The following ZNF609 variants were observed in gnomAD, a reference collection of about 807,000 sequenced individuals.
ZNF609 encodes the protein zinc finger protein 609.
ZNF609 carries 11 observed loss-of-function variants against 109.5 expected under a neutral mutation model. That is an observed-to-expected ratio of 0.10 (90% CI 0.06 to 0.17). The LOEUF (loss-of-function observed/expected upper bound fraction) is 0.17. ZNF609 is among the 10% of genes least tolerant of loss of function. The pLI, the probability that ZNF609 is intolerant of heterozygous loss-of-function variation, is 1.00. For synonymous variants in ZNF609, 646 were observed against 662.0 expected, an observed-to-expected ratio of 0.98 and a Z score of 0.37; for missense variants, 1,559 against 1,772.4, an observed-to-expected ratio of 0.88 and a Z score of 2.16.
At chr15:64,621,716 C>T (rs1484251054) in intron 2 of ZNF609, among the ~76,000 whole-genome samples, 2 of 151,656 alleles carry the variant, frequency 1.3e-5, no homozygotes, top group East Asian at 3.9e-4. Flanking sequence ...TAACTAATTA[C>T]ATTCTTGTGA....
intron 2 of ZNF609, among the ~76,000 whole-genome samples, chr15:64,586,675 T>C (rs757628543): frequency 3.6e-4 from 54 of 151,068 alleles, no homozygotes; most frequent in Non-Finnish European, 2.1e-4. Flanking sequence ...TGTGGAAAAA[T>C]TGTCTTCCAG....
rs763522825 is a variant in ZNF609 at position 64,499,819 on chromosome 15, C to A, written c.400C>A (p.Leu134Met). 2 of 1,613,964 alleles carry A rather than the reference C, an allele frequency of 1.2e-6. No homozygotes were observed. Among genetic ancestry groups the A allele is most frequent in the Non-Finnish European group, 1.7e-6 (2 of 1,180,022 alleles). ...RSGDGANAGG[L>M]VAAIAPKGSE... is the part of the protein sequence containing the mutation. ...AGGAGATGGTGCCAATGCTGGAGGC[C>A]TGGTTGCTGCTATTGCTCCCAAGGG... The change falls in exon 2 of 10, where the codon CTG (leucine) becomes ATG (methionine). Residue 134 changes from leucine to methionine, a missense_variant. Leu to Met is a conservative substitution (Grantham distance 15). Transcript: ENST00000326648.
intron 2 of ZNF609, chr15:64,529,743 T>C (rs1179089639): frequency 5.2e-6 from 3 of 580,862 alleles, no homozygotes; most frequent in Non-Finnish European, 9.7e-6. Flanking sequence ...AGCAGAGACT[T>C]TTTTGAGACG....
rs1341305420 is a variant in ZNF609 at position 64,674,318 on chromosome 15, C to T, written c.1464C>T (p.Asn488=). The T allele has an allele frequency of 6.2e-7, 1 of 1,614,174 alleles. No homozygotes were observed. The highest frequency in any genetic ancestry group is 8.5e-7 in the Non-Finnish European group (1 of 1,180,030). Residue 488 remains asparagine, a synonymous_variant, in exon 5 of 10, where the codon AAC becomes AAT. Transcript: ENST00000326648. ...TAGAACCCACTGTTCTGGACAGAAA[C>T]TGCCCCTCCCCCGTCCTAATTGACT... The part of the protein sequence containing the change: ...TKVEPTVLDR[N]CPSPVLIDCP...
At chr15:64,598,281 ATTTTTTGTATTTTTGATAGAGACAGGT>A (rs1895431606) in intron 2 of ZNF609, among the ~76,000 whole-genome samples, 1 of 151,918 alleles carries the variant, frequency 6.6e-6, no homozygotes, top group Non-Finnish European at 1.5e-5. Flanking sequence ...CGCCTGGCTA[ATTTTTTGTATTTTTGATAGAGACAGGT>A]TTTCACCATG....
intron 2 of ZNF609, among the ~76,000 whole-genome samples, chr15:64,564,297 A>G (rs764497437): frequency 2.6e-5 from 4 of 152,044 alleles, no homozygotes; most frequent in Admixed American, 2.0e-4. Flanking sequence ...TCCAAGGTTA[A>G]GGGTAGGGGG....
chr15:64,674,173 G>A lies in ZNF609; in HGVS notation c.1319G>A (p.Arg440Gln), dbSNP rs1009330244. Residue 440 changes from arginine (R) to glutamine (Q), a missense_variant, in exon 5 of 10, where the codon CGG becomes CAG. Physicochemically the swap from Arg to Gln is conservative, Grantham distance 43 (BLOSUM62 1). Coordinates refer to ENST00000326648, the MANE Select transcript of ZNF609 (RefSeq NM_015042.2). ...GCCAGCCCTTCCTCAGCTAATAAGCGGAAAAACAAACCCCTTTCAGACATG... is the reference window on the plus strand; with the variant it reads ...GCCAGCCCTTCCTCAGCTAATAAGCAGAAAAACAAACCCCTTTCAGACATG... ...VKASPSSANK[R>Q]KNKPLSDMEL... 3 of 1,614,008 alleles carry A rather than the reference G, an allele frequency of 1.9e-6. No homozygotes were observed. Among genetic ancestry groups the A allele is most frequent in the Non-Finnish European group, 1.7e-6 (2 of 1,180,030 alleles).
At chr15:64,564,009 G>A (rs1338805087) in intron 2 of ZNF609, among the ~76,000 whole-genome samples, 3 of 151,836 alleles carry the variant, frequency 2.0e-5, no homozygotes, top group Admixed American at 6.6e-5. Context: ...TTAGCCTCCC[G>A]AGTAGCTGGG....
chr15:64,681,513 A>C (rs1015661968), intron 9 of ZNF609, 126 bp downstream of exon 9: 2 of 773,188 alleles, frequency 2.6e-6, no homozygotes, highest in Non-Finnish European at 4.3e-6. Flanking sequence ...AACCCTGGCC[A>C]AGCCTCTTGT....
intron 2 of ZNF609, among the ~76,000 whole-genome samples, chr15:64,616,865 A>G (rs571328956): frequency 3.2e-5 from 4 of 126,878 alleles, no homozygotes; most frequent in South Asian, 2.5e-4. Context: ...ATGGAGTACA[A>G]TTGTGCAATC....
intron 1 of ZNF609, among the ~76,000 whole-genome samples, chr15:64,475,537 C>T (rs1232477082): frequency 3.3e-5 from 5 of 151,810 alleles, no homozygotes; most frequent in East Asian, 3.9e-4. Context: ...TACAGTTGCC[C>T]GCCACCGCGC....
intron 3 of ZNF609, among the ~76,000 whole-genome samples, chr15:64,663,362 A>G (rs551184160): frequency 6.6e-5 from 10 of 152,324 alleles, no homozygotes; most frequent in African/African-American, 2.4e-4. Flanking sequence ...AGAAGGATGT[A>G]CACATGCCAT....
At chr15:64,624,116 C>T (rs752018175) in intron 3 of ZNF609, among the ~76,000 whole-genome samples, 49 of 152,310 alleles carry the variant, frequency 3.2e-4, no homozygotes, top group Non-Finnish European at 6.0e-4. Flanking sequence ...GCAATAGGTG[C>T]TGATGTGTTA....
At chr15:64,636,251 A>G (rs553161807) in intron 3 of ZNF609, among the ~76,000 whole-genome samples, 1 of 152,260 alleles carries the variant, frequency 6.6e-6, no homozygotes, top group South Asian at 2.1e-4. Flanking sequence ...TGTTTAATCT[A>G]CTATCCCTGT....
intron 1 of ZNF609, among the ~76,000 whole-genome samples, chr15:64,463,483 A>G (rs1391270863): frequency 6.6e-6 from 1 of 152,188 alleles, no homozygotes; most frequent in Non-Finnish European, 1.5e-5. Flanking sequence ...AAAAGAGATT[A>G]GAAGTAAAAC....
chr15:64,584,918 C>A (rs544460261), intron 2 of ZNF609, among the ~76,000 whole-genome samples: 1 of 150,892 alleles, frequency 6.6e-6, no homozygotes, highest in East Asian at 2.0e-4. Flanking sequence ...TGAGCCACCA[C>A]GCCTGCCTGC....
At chr15:64,535,965 T>TC (rs1457848308) in intron 2 of ZNF609, among the ~76,000 whole-genome samples, 2 of 152,128 alleles carry the variant, frequency 1.3e-5, no homozygotes, top group African/African-American at 4.8e-5. Context: ...TCTTTTTTTT[T>TC]CATTTTTATT....
intron 2 of ZNF609, among the ~76,000 whole-genome samples, chr15:64,613,315 A>G (rs540873406): frequency 1.3e-5 from 2 of 152,116 alleles, no homozygotes; most frequent in Non-Finnish European, 2.9e-5. Flanking sequence ...TCTCAGAAAA[A>G]AAACGAAGAA....
chr15:64,475,925 A>G (rs1192675306), intron 1 of ZNF609, among the ~76,000 whole-genome samples: 1 of 152,230 alleles, frequency 6.6e-6, no homozygotes, highest in Non-Finnish European at 1.5e-5. Flanking sequence ...ACTTCCATTC[A>G]ACACATTTTA....
Sources: allele counts gnomAD v4.1 joint callset (sites outside exome capture counted in the v4.1 genomes callset), GRCh38; gene constraint gnomAD v4.1.1; transcripts MANE v1.5; gene names NCBI Gene and HGNC (gene_info 2026-07-23, HGNC 2026-07-21).